ANKIB1: variants seen among roughly 807,000 people sequenced by gnomAD.
ANKIB1 encodes ankyrin repeat and IBR domain containing 1.
In ANKIB1, 43 loss-of-function variants were observed where a neutral mutation model predicts 122.1. The observed-to-expected ratio is 0.35, with a 90% confidence interval of 0.28 to 0.45. The LOEUF (loss-of-function observed/expected upper bound fraction) is 0.45. Ranked by LOEUF, ANKIB1 falls within the 20% of genes least tolerant of loss-of-function variation. The probability of loss-of-function intolerance (pLI) is 1.00; values close to 1 mark genes in which losing one functional copy is unlikely to be tolerated. For synonymous variants in ANKIB1, 390 were observed against 442.0 expected (o/e 0.88, Z 1.48); for missense variants, 992 against 1,329.5 (o/e 0.75, Z 3.95).
At position 92,327,800 on chromosome 7, in the gene ANKIB1, G is replaced by A. The variant is rs746594666; in HGVS notation, c.687G>A (p.Arg229=). The A allele has an allele frequency of 2.0e-5, 32 of 1,575,714 alleles. No individual in the cohort carries two copies. In the East Asian group the frequency reaches 6.9e-4, roughly 34 times the overall value. The change falls in exon 5 of 20, where the codon AGG becomes AGA. Residue 229 remains arginine (R), a synonymous_variant. Coordinates refer to ENST00000265742, the MANE Select transcript of ANKIB1 (RefSeq NM_019004.2). ...LDKREPYEGL[R]PQDLRRLKDM... The stretch of plus-strand genomic sequence containing the variant: ...TTTCAAAGCCATATGAAGGATTAAG[G>A]CCTCAGGATCTTCGTAGACTAAAAG...
At chr7:92,263,993 A>ATTT (rs1801615988) in intron 1 of ANKIB1, among the ~76,000 whole-genome samples, 1 of 152,220 alleles carries the variant, frequency 6.6e-6, no homozygotes, top group South Asian at 2.1e-4. Context: ...GACAAATAAA[A>ATTT]TATTCCTTAA....
chr7:92,307,936 C>G (rs1802600561), intron 3 of ANKIB1, among the ~76,000 whole-genome samples: 1 of 150,794 alleles, frequency 6.6e-6, no homozygotes, highest in Non-Finnish European at 1.5e-5. Context: ...GCCTCAGCCT[C>G]CCCAGTAGCT....
rs532575917 is a variant in ANKIB1 at position 92,265,318 on chromosome 7, A to G, written c.-91+18799A>G. 5.9e-5 allele frequency among the ~76,000 whole-genome samples: 9 copies of G among 152,324 alleles called. No homozygotes were observed. In the South Asian group the frequency reaches 1.7e-3, roughly 28 times the overall value. ...AAAGATGGAAGGATGAGAAGATGTT[A>G]AAGCCTAAGAATTGAGGAGGGAGTA... On this transcript the variant is annotated intron_variant, in intron 1 of 19. Coordinates refer to ENST00000265742, the MANE Select transcript of ANKIB1 (RefSeq NM_019004.2).
Position 92,398,657 on chromosome 7 carries a change from C to T in ANKIB1, c.2978C>T (p.Thr993Ile), listed in dbSNP as rs755065018. ...QSIALIPPAT[T>I]EISADSQLPC... Reference sequence around the variant, plus strand: ...ATTGCCCTGATTCCTCCAGCAACTACAGAAATCAGTGCAGATTCCCAGCTC... The same window carrying T: ...ATTGCCCTGATTCCTCCAGCAACTATAGAAATCAGTGCAGATTCCCAGCTC... The change falls in exon 20 of 20, where the codon ACA becomes ATA. Residue 993 changes from threonine to isoleucine, a missense_variant. By Grantham distance (89) the Thr-to-Ile change is moderately conservative. Transcript: ENST00000265742. 4 of 1,613,920 alleles carry T rather than the reference C, an allele frequency of 2.5e-6. No individual in the cohort carries two copies. The South Asian group carries it at 3.3e-5, about 13-fold the overall frequency.
chr7:92,268,985 C>T (rs1226321443), intron 1 of ANKIB1, among the ~76,000 whole-genome samples: 2 of 152,228 alleles, frequency 1.3e-5, no homozygotes, highest in Non-Finnish European at 2.9e-5. Flanking sequence ...AATTATTCAT[C>T]ATGAGAAGAT....
Position 92,391,177 on chromosome 7 carries a change from A to G in ANKIB1, c.2064A>G (p.Glu688=), listed in dbSNP as rs1804777147. The change falls in exon 16 of 20, where the codon GAA becomes GAG. Residue 688 remains glutamate (E), a synonymous_variant. Coordinates refer to ENST00000265742, the MANE Select transcript of ANKIB1 (RefSeq NM_019004.2). ...EIFELMQTDL[E]MVTEDLAQKV... ...TCTGCTTACTATAGACAGACCTAGAAATGGTCACTGAAGACCTTGCCCAGA... is the reference window on the plus strand; with the variant it reads ...TCTGCTTACTATAGACAGACCTAGAGATGGTCACTGAAGACCTTGCCCAGA... 1 of 1,611,614 alleles carries G rather than the reference A, an allele frequency of 6.2e-7. No individual in the cohort carries two copies. Among genetic ancestry groups the G allele is most frequent in the Non-Finnish European group, 8.5e-7 (1 of 1,178,618 alleles).
At chr7:92,378,275 C>T (rs1422444425) in intron 11 of ANKIB1, among the ~76,000 whole-genome samples, 1 of 151,770 alleles carries the variant, frequency 6.6e-6, no homozygotes. Flanking sequence ...ATTGAGCACC[C>T]CTAATCCACA....
intron 5 of ANKIB1, among the ~76,000 whole-genome samples, chr7:92,342,444 AT>A (rs576238261): frequency 1.4e-4 from 22 of 152,126 alleles, no homozygotes; most frequent in Admixed American, 3.3e-4. Context: ...TAGGAAGATA[AT>A]TTTTTTTAGT....
chr7:92,358,231 G>T (rs1421771619), intron 9 of ANKIB1, among the ~76,000 whole-genome samples: 1 of 152,120 alleles, frequency 6.6e-6, no homozygotes, highest in Non-Finnish European at 1.5e-5. Context: ...CATAGAGCAA[G>T]ACTCCGCCTC....
In ANKIB1 at chr7:92,398,519, G is replaced by A. The variant is rs1292154844; in HGVS notation, c.2840G>A (p.Ser947Asn). 1.2e-6 allele frequency: 2 copies of A among 1,613,984 alleles called. No individual in the cohort carries two copies. Among genetic ancestry groups the A allele is most frequent in the Non-Finnish European group, 8.5e-7 (1 of 1,179,866 alleles). ...TCACACCCTCTCAGTGAGGCAAGAA[G>A]TGATTTCTGTCCCTCATCTAGTGAT... ...LSSHPLSEAR[S>N]DFCPSSSDPD... The change falls in exon 20 of 20, where the codon AGT (serine) becomes AAT (asparagine). Residue 947 changes from serine (S) to asparagine (N), a missense_variant. This residue lies in a region of ANKIB1 where 384 missense variants were observed against 412.0 expected (regional missense o/e 0.93). Coordinates refer to ENST00000265742, the MANE Select transcript of ANKIB1 (RefSeq NM_019004.2).
At chr7:92,258,588 A>AT (rs960202296) in intron 1 of ANKIB1, among the ~76,000 whole-genome samples, 1 of 152,176 alleles carries the variant, frequency 6.6e-6, no homozygotes, top group African/African-American at 2.4e-5. Flanking sequence ...CATTGGGAGA[A>AT]TTTTAGAAAT....
intron 7 of ANKIB1, chr7:92,348,117 A>G (rs566694710): frequency 1.2e-5 from 4 of 329,900 alleles, no homozygotes; most frequent in South Asian, 7.7e-5. Flanking sequence ...AAATAATAAT[A>G]TGGCCAACAG....
chr7:92,271,733 C>T (rs375506941), intron 1 of ANKIB1, among the ~76,000 whole-genome samples: 5 of 152,072 alleles, frequency 3.3e-5, no homozygotes, highest in East Asian at 1.9e-4. Context: ...GTAGAATATT[C>T]GGAAGATAAA....
chr7:92,290,555 G>C (rs1282518330), intron 1 of ANKIB1, among the ~76,000 whole-genome samples: 1 of 152,082 alleles, frequency 6.6e-6, no homozygotes, highest in Non-Finnish European at 1.5e-5. Context: ...CCTATATCCA[G>C]TTAAAATGAA....
intron 9 of ANKIB1, among the ~76,000 whole-genome samples, chr7:92,355,001 C>G (rs925744181): frequency 6.6e-6 from 1 of 152,154 alleles, no homozygotes; most frequent in Non-Finnish European, 1.5e-5. Context: ...TTGAGCCATA[C>G]CCAGGAGATA....
At chr7:92,358,218 G>A (rs1408916469) in intron 9 of ANKIB1, among the ~76,000 whole-genome samples, 3 of 152,130 alleles carry the variant, frequency 2.0e-5, no homozygotes, top group Admixed American at 6.5e-5. Flanking sequence ...CTCCAGCCTG[G>A]GCCATAGAGC....
chr7:92,303,698 G>T (rs995542191), intron 2 of ANKIB1, among the ~76,000 whole-genome samples: 2 of 152,090 alleles, frequency 1.3e-5, no homozygotes, highest in Admixed American at 1.3e-4. Context: ...AGAAGCCAAG[G>T]TAATAGAAAG....
intron 9 of ANKIB1, 70 bp from the exon 10 acceptor site, chr7:92,362,115 C>G: frequency 1.3e-5 from 18 of 1,439,490 alleles, no homozygotes; most frequent in Non-Finnish European, 1.7e-5. Context: ...CCGGCCTCTA[C>G]ACACTTTTTT....
At chr7:92,329,853 A>G (rs998154967) in intron 5 of ANKIB1, among the ~76,000 whole-genome samples, 1 of 152,110 alleles carries the variant, frequency 6.6e-6, no homozygotes, top group African/African-American at 2.4e-5. Flanking sequence ...TTTCATCTAA[A>G]TTGAAGTACC....
Sources: gnomAD v4.1 joint callset for allele counts (sites outside exome capture counted in the v4.1 genomes callset) on GRCh38, gnomAD v4.1.1 for gene constraint, gnomAD v4.1.1 regional missense constraint, MANE v1.5 for transcripts, NCBI Gene and HGNC (gene_info 2026-07-23, HGNC 2026-07-21) for gene names.